The following RIPK2 variants were observed in gnomAD, a reference collection of about 807,000 sequenced individuals.
RIPK2 encodes receptor-interacting serine/threonine-protein kinase 2.
Under a neutral mutation model 60.9 loss-of-function variants are expected in RIPK2, and 38 were observed. The observed-to-expected ratio is 0.62, with a 90% CI of 0.48 to 0.82. The LOEUF is 0.82. Among genes scored for constraint, RIPK2 ranks in the 40% least tolerant of loss-of-function variants. The pLI is 0.00. For synonymous variants in RIPK2, 225 were observed against 223.4 expected, an observed-to-expected ratio of 1.01 and a Z score of -0.06; for missense variants, 518 against 647.0, an observed-to-expected ratio of 0.80 and a Z score of 2.16.
intron 8 of RIPK2, 152 bp downstream of exon 8, chr8:89,784,291 C>T (rs1217827542): frequency 1.9e-6 from 1 of 534,220 alleles, no homozygotes; most frequent in South Asian, 3.0e-5. Flanking sequence ...TGTCAATCTC[C>T]AACTTGAAAC....
intron 3 of RIPK2, among the ~76,000 whole-genome samples, chr8:89,767,094 T>C (rs1809241523): frequency 6.6e-6 from 1 of 151,802 alleles, no homozygotes; most frequent in Admixed American, 6.6e-5. Context: ...GAAGATTTCC[T>C]TTTTTGTTAT....
intron 1 of RIPK2, chr8:89,759,547 G>A (rs1180449390): frequency 2.6e-6 from 1 of 387,202 alleles, no homozygotes; most frequent in Non-Finnish European, 5.2e-6. Flanking sequence ...TCACTGTCAG[G>A]CTTCGATGGC....
At chr8:89,772,616 A>G in intron 5 of RIPK2, 51 bp from the exon 6 acceptor site, 1 of 1,325,904 alleles carries the variant, frequency 7.5e-7, no homozygotes, top group Non-Finnish European at 1.0e-6. Context: ...TGTAAGTAAT[A>G]TGCTTAATCA....
At chr8:89,781,354 A>ATTTTTTTTTTTTT (rs58525879) in intron 7 of RIPK2, among the ~76,000 whole-genome samples, 2 of 143,956 alleles carry the variant, frequency 1.4e-5, no homozygotes, top group African/African-American at 2.6e-5. Context: ...AATAGATTGA[A>ATTTTTTTTTTTTT]TTTTTTTTTT....
intron 3 of RIPK2, among the ~76,000 whole-genome samples, chr8:89,768,867 A>G (rs40544): frequency 0.6 from 90,823 of 151,350 alleles, 27,807 homozygotes; most frequent in African/African-American, 0.7. Context: ...GAGGTAAACA[A>G]TGGAAACAAA....
At chr8:89,769,744 C>T in intron 3 of RIPK2, 28 bp from the exon 4 acceptor site, 5 of 1,470,406 alleles carry the variant, frequency 3.4e-6, no homozygotes, top group Non-Finnish European at 4.5e-6. Flanking sequence ...GAGGAAATTT[C>T]TTAATTATTT....
At chr8:89,763,998 C>G (rs1230982751) in intron 2 of RIPK2, among the ~76,000 whole-genome samples, 1 of 152,060 alleles carries the variant, frequency 6.6e-6, no homozygotes, top group Non-Finnish European at 1.5e-5. Flanking sequence ...TTGCAGCTCG[C>G]TGGAAATTCT....
At chr8:89,758,266 C>T in intron 1 of RIPK2, 33 bp downstream of exon 1, 2 of 1,561,400 alleles carry the variant, frequency 1.3e-6, no homozygotes, top group Non-Finnish European at 1.7e-6. Context: ...TGGAAGAGCC[C>T]TCAACTCCTG....
chr8:89,773,542 A>C (rs1049771333), intron 6 of RIPK2, among the ~76,000 whole-genome samples: 16 of 152,174 alleles, frequency 1.1e-4, no homozygotes, highest in Non-Finnish European at 5.9e-5. Flanking sequence ...TTTTTATTCC[A>C]AGTGCAATGG....
At chr8:89,764,429 T>C (rs1350289383) in intron 2 of RIPK2, among the ~76,000 whole-genome samples, 1 of 152,204 alleles carries the variant, frequency 6.6e-6, no homozygotes, top group African/African-American at 2.4e-5. Flanking sequence ...AGCTGACGCA[T>C]TTGCAGAAAA....
chr8:89,781,737 C>A (rs927421211), intron 7 of RIPK2, among the ~76,000 whole-genome samples: 1 of 152,032 alleles, frequency 6.6e-6, no homozygotes, highest in Non-Finnish European at 1.5e-5. Flanking sequence ...AGCACTGAAC[C>A]CTATGTATAC....
intron 3 of RIPK2, among the ~76,000 whole-genome samples, chr8:89,769,419 G>C (rs1384304319): frequency 2.6e-5 from 4 of 151,832 alleles, no homozygotes; most frequent in African/African-American, 7.2e-5. Flanking sequence ...GATGTAGGAA[G>C]CACATGGTAT....
At chr8:89,784,162 A>C in intron 8 of RIPK2, 23 bp downstream of exon 8, 1 of 1,093,356 alleles carries the variant, frequency 9.1e-7, no homozygotes. Context: ...AAAAAAAAAA[A>C]AAGGTTATAT....
At chr8:89,787,611 G>C (rs1809607438) in intron 9 of RIPK2, among the ~76,000 whole-genome samples, 1 of 152,198 alleles carries the variant, frequency 6.6e-6, no homozygotes, top group African/African-American at 2.4e-5. Flanking sequence ...AGCTAGTAAA[G>C]AAGGTGAATG....
intron 8 of RIPK2, 79 bp downstream of exon 8, chr8:89,784,218 G>T: frequency 1.1e-6 from 1 of 886,328 alleles, no homozygotes; most frequent in East Asian, 2.9e-5. Flanking sequence ...TTTGGTCTAA[G>T]CCCTTCTTTT....
intron 9 of RIPK2, among the ~76,000 whole-genome samples, chr8:89,788,200 G>A (rs889805459): frequency 2.0e-5 from 3 of 151,916 alleles, no homozygotes; most frequent in Middle Eastern, 3.4e-3. Flanking sequence ...AAAAATTAGC[G>A]GGTATGGTGG....
intron 1 of RIPK2, 115 bp downstream of exon 1, chr8:89,758,348 C>T (rs1399951244): frequency 4.6e-6 from 5 of 1,077,820 alleles, no homozygotes; most frequent in African/African-American, 1.6e-5. Context: ...CCGGCCTCAC[C>T]TCGTCACCTC....
chr8:89,784,719 C>T (rs1809557027), intron 8 of RIPK2, among the ~76,000 whole-genome samples: 1 of 152,318 alleles, frequency 6.6e-6, no homozygotes, highest in South Asian at 2.1e-4. Flanking sequence ...GAAAATTCCA[C>T]ACCTGTGTTA....
At chr8:89,768,023 A>G (rs191747854) in intron 3 of RIPK2, among the ~76,000 whole-genome samples, 4 of 151,826 alleles carry the variant, frequency 2.6e-5, no homozygotes, top group Non-Finnish European at 4.4e-5. Flanking sequence ...GTGCGGTTTG[A>G]TGAATGCAGA....
Sources: gnomAD v4.1 joint callset for allele counts (sites outside exome capture counted in the v4.1 genomes callset) on GRCh38, gnomAD v4.1.1 for gene constraint, MANE v1.5 for transcripts, NCBI Gene and HGNC (gene_info 2026-07-23, HGNC 2026-07-21) for gene names.